Variants in CLEC16A observed in about 807,000 individuals in gnomAD.
The protein encoded by CLEC16A is protein CLEC16A.
CLEC16A carries 51 observed loss-of-function variants against 109.5 expected under a neutral mutation model. That is an observed-to-expected ratio of 0.47 (90% CI 0.37 to 0.59). The LOEUF (loss-of-function observed/expected upper bound fraction) is 0.59, where lower values mean the gene tolerates loss of function less well. CLEC16A is among the 20% of genes least tolerant of loss of function. The pLI is 0.00. For synonymous variants in CLEC16A, 673 were observed against 564.2 expected (o/e 1.19, Z -2.73); for missense variants, 1,339 against 1,394.0 (o/e 0.96, Z 0.63).
At chr16:11,146,994 C>G (rs1434900470) in intron 22 of CLEC16A, among the ~76,000 whole-genome samples, 1 of 152,122 alleles carries the variant, frequency 6.6e-6, no homozygotes, top group Non-Finnish European at 1.5e-5. Flanking sequence ...GTAAGGGGAT[C>G]TGACCCAGAC....
intron 19 of CLEC16A, among the ~76,000 whole-genome samples, chr16:11,096,750 G>A (rs1374076794): frequency 6.6e-6 from 1 of 152,198 alleles, no homozygotes; most frequent in Non-Finnish European, 1.5e-5. Context: ...GGTGGTGCCT[G>A]AGGCAATTCT....
Position 10,986,012 on chromosome 16 carries a change from A to ATTTTT in CLEC16A, c.1071+3053_1071+3057dup, listed in dbSNP as rs59547466. Among the ~76,000 whole-genome samples the ATTTTT allele has an allele frequency of 4.7e-3, 204 of 43,454 alleles. 50 individuals carry two copies. The highest frequency in any genetic ancestry group is 0.013 in the African/African-American group (114 of 8,822). The allele number at this position is 43,454 out of a possible 152,430, so 28.5% of individuals were successfully genotyped here. A position where few individuals can be genotyped will look rare whatever the true frequency, so the allele number is the denominator to read the frequency against. ...TGAGACACTGCACCTGGCCTGCAGAATTTTTTTTTTTTTTTTTTTTTTTTT... is the reference window on the plus strand; with the variant it reads ...TGAGACACTGCACCTGGCCTGCAGAATTTTTTTTTTTTTTTTTTTTTTTTTTTTTT... On this transcript the variant is annotated intron_variant, in intron 10 of 23. Transcript: ENST00000409790.
At chr16:11,124,604 C>A (rs1446404370) in intron 21 of CLEC16A, among the ~76,000 whole-genome samples, 1 of 152,210 alleles carries the variant, frequency 6.6e-6, no homozygotes, top group Non-Finnish European at 1.5e-5. Flanking sequence ...GAGATGCGTT[C>A]ATTGGGCAGG....
chr16:11,159,520 C>A (rs986943415), intron 22 of CLEC16A, among the ~76,000 whole-genome samples: 2 of 152,216 alleles, frequency 1.3e-5, no homozygotes, highest in Non-Finnish European at 2.9e-5. Flanking sequence ...CCATTTTCAT[C>A]TCATGTATAA....
intron 22 of CLEC16A, among the ~76,000 whole-genome samples, chr16:11,134,386 G>A (rs1226294932): frequency 6.6e-6 from 1 of 151,958 alleles, no homozygotes; most frequent in African/African-American, 2.4e-5. Context: ...CTATCCTCCC[G>A]ACCACCCTGG....
intron 1 of CLEC16A, among the ~76,000 whole-genome samples, chr16:10,946,243 G>T (rs1399652026): frequency 6.6e-6 from 1 of 152,242 alleles, no homozygotes; most frequent in Non-Finnish European, 1.5e-5. Context: ...GTGGAAGGGA[G>T]ACGGGGCTGT....
intron 22 of CLEC16A, among the ~76,000 whole-genome samples, chr16:11,137,339 T>A (rs1008221555): frequency 6.6e-6 from 1 of 152,074 alleles, no homozygotes; most frequent in Non-Finnish European, 1.5e-5. Flanking sequence ...GTATGTAAGT[T>A]GATAAAAGTC....
rs146217935 is a variant in CLEC16A at position 11,114,423 on chromosome 16, G to C, written c.2117-6192G>C. ...CCAGGCAGTCTCATGTCACCTGTCAGCTGCACTGGCCTCTCCTTGCCATGG... is the reference window on the plus strand; with the variant it reads ...CCAGGCAGTCTCATGTCACCTGTCACCTGCACTGGCCTCTCCTTGCCATGG... On this transcript the variant is annotated intron_variant, in intron 19 of 23. Coordinates refer to ENST00000409790, the MANE Select transcript of CLEC16A (RefSeq NM_015226.3). Among the ~76,000 whole-genome samples the C allele has an allele frequency of 9.4e-4, 143 of 152,236 alleles. 1 individual carries two copies. Among genetic ancestry groups the C allele is most frequent in the Non-Finnish European group, 1.1e-3 (72 of 68,024 alleles).
In CLEC16A at chr16:11,017,722, C is replaced by G. The variant is rs542366819; in HGVS notation, c.1304-2471C>G. Among the ~76,000 whole-genome samples the G allele has an allele frequency of 7.9e-5, 12 of 152,214 alleles. No individual in the cohort carries two copies. The South Asian group carries it at 2.3e-3, about 29-fold the overall frequency. On this transcript the variant is annotated intron_variant, in intron 11 of 23. Coordinates refer to ENST00000409790, the MANE Select transcript of CLEC16A (RefSeq NM_015226.3). ...AGAAGGGTACTTCCCCTCTGTGGTCCTCCTCCTCAAAACCTGTAACCCCAG... is the reference window on the plus strand; with the variant it reads ...AGAAGGGTACTTCCCCTCTGTGGTCGTCCTCCTCAAAACCTGTAACCCCAG...
chr16:10,968,485 T>C (rs2042621822), intron 3 of CLEC16A, among the ~76,000 whole-genome samples: 1 of 152,166 alleles, frequency 6.6e-6, no homozygotes, highest in South Asian at 2.1e-4. Flanking sequence ...CCAGTTTTCA[T>C]TGTTGGGCCC....
chr16:11,001,206 C>T (rs1267449058), intron 10 of CLEC16A, among the ~76,000 whole-genome samples: 3 of 152,208 alleles, frequency 2.0e-5, no homozygotes, highest in Non-Finnish European at 4.4e-5. Flanking sequence ...CTACCTCAGC[C>T]TCTGAAGTAG....
intron 14 of CLEC16A, chr16:11,040,619 T>A (rs1160987656): frequency 1.3e-5 from 2 of 149,712 alleles, no homozygotes; most frequent in African/African-American, 5.0e-5. Context: ...TTCATGCGAT[T>A]CTCCTGCCTC....
chr16:10,984,656 C>T (rs959980852), intron 10 of CLEC16A, among the ~76,000 whole-genome samples: 1 of 152,214 alleles, frequency 6.6e-6, no homozygotes, highest in Non-Finnish European at 1.5e-5. Context: ...CTCATGACAA[C>T]ACACGGTCTG....
intron 22 of CLEC16A, among the ~76,000 whole-genome samples, chr16:11,165,978 G>A (rs932084505): frequency 6.6e-6 from 1 of 152,142 alleles, no homozygotes; most frequent in Non-Finnish European, 1.5e-5. Context: ...TCAGAGCATG[G>A]GTCCGGTGCC....
chr16:11,104,326 A>T (rs907669561), intron 19 of CLEC16A, among the ~76,000 whole-genome samples: 3 of 151,664 alleles, frequency 2.0e-5, no homozygotes, highest in Non-Finnish European at 2.9e-5. Context: ...ATGGGGTCTC[A>T]CTATATTGCC....
chr16:11,113,196 G>A (rs1447536419), intron 19 of CLEC16A, among the ~76,000 whole-genome samples: 1 of 152,222 alleles, frequency 6.6e-6, no homozygotes, highest in Non-Finnish European at 1.5e-5. Context: ...TCTATCATCT[G>A]CATGATCAGG....
intron 11 of CLEC16A, among the ~76,000 whole-genome samples, chr16:11,013,129 G>T (rs781100341): frequency 6.6e-6 from 1 of 152,200 alleles, no homozygotes; most frequent in Non-Finnish European, 1.5e-5. Flanking sequence ...TGCAGACATG[G>T]CGAGAACATG....
At position 11,123,853 on chromosome 16, in the gene CLEC16A, A is replaced by G. The variant is rs766494280; in HGVS notation, c.2380A>G (p.Ile794Val). ...KPFPILQATF[I>V]FSDHIRCIIA... ...CTTCCCCATCCTCCAGGCCACCTTC[A>G]TCTTCTCAGACCACATCCGCTGCAT... Residue 794 changes from isoleucine (I) to valine (V), a missense_variant, in exon 21 of 24, where the codon ATC (isoleucine) becomes GTC (valine). Ile to Val is a conservative substitution (Grantham distance 29, BLOSUM62 3). Coordinates refer to ENST00000409790, the MANE Select transcript of CLEC16A (RefSeq NM_015226.3). 3.5e-5 allele frequency: 57 copies of G among 1,613,852 alleles called. No individual in the cohort carries two copies. The highest frequency in any genetic ancestry group is 4.5e-5 in the Non-Finnish European group (53 of 1,179,896).
rs74163618 is a variant in CLEC16A, at chr16:11,044,033, G to A, written c.1776G>A (p.Ala592=). The change falls in exon 16 of 24, where the codon GCG becomes GCA. Residue 592 remains alanine, a synonymous_variant. Coordinates refer to ENST00000409790, the MANE Select transcript of CLEC16A (RefSeq NM_015226.3). ...CCTTCCTTCTCTTTTAACAGGGTGCGAGAGAAGAAAGTGTTCACCTTGTAC... is the reference window on the plus strand; with the variant it reads ...CCTTCCTTCTCTTTTAACAGGGTGCAAGAGAAGAAAGTGTTCACCTTGTAC... ...KDVHLACLEG[A]REESVHLVRH... 6.0e-4 allele frequency: 971 copies of A among 1,608,174 alleles called. No individual in the cohort carries two copies. Among genetic ancestry groups the A allele is most frequent in the Non-Finnish European group, 7.2e-4 (845 of 1,176,292 alleles).
Sources: gnomAD v4.1 joint callset for allele counts (sites outside exome capture counted in the v4.1 genomes callset) on GRCh38, gnomAD v4.1.1 for gene constraint, MANE v1.5 for transcripts, NCBI Gene and HGNC (gene_info 2026-07-23, HGNC 2026-07-21) for gene names.